Variants in SH3PXD2A observed in about 807,000 individuals in gnomAD.
SH3PXD2A encodes SH3 and PX domain-containing protein 2A.
Under a neutral mutation model 115.2 loss-of-function variants are expected in SH3PXD2A, and 32 were observed. That is an observed-to-expected ratio of 0.28 (90% CI 0.21 to 0.37). SH3PXD2A has a LOEUF of 0.37. Ranked by LOEUF, SH3PXD2A falls within the 10% of genes least tolerant of loss-of-function variation. The pLI, the probability that SH3PXD2A is intolerant of heterozygous loss-of-function variation, is 1.00. For missense variants in SH3PXD2A, 1,328 were observed against 1,498.7 expected, an observed-to-expected ratio of 0.89 and a Z score of 1.88; for synonymous variants, 610 against 629.1, an observed-to-expected ratio of 0.97 and a Z score of 0.45.
intron 1 of SH3PXD2A, among the ~76,000 whole-genome samples, chr10:103,840,640 G>C (rs1444168035): frequency 2.0e-5 from 3 of 152,252 alleles, no homozygotes; most frequent in Non-Finnish European, 4.4e-5. Context: ...GAGTCCCGCT[G>C]CCTGGCTCTG....
intron 2 of SH3PXD2A, among the ~76,000 whole-genome samples, chr10:103,768,278 C>T (rs191949338): frequency 1.6e-4 from 24 of 152,202 alleles, no homozygotes; most frequent in African/African-American, 2.6e-4. Flanking sequence ...GGATATGGTA[C>T]GGGAACAGTA....
At chr10:103,809,030 C>A (rs546149274) in intron 1 of SH3PXD2A, among the ~76,000 whole-genome samples, 2 of 152,332 alleles carry the variant, frequency 1.3e-5, no homozygotes, top group African/African-American at 4.8e-5. Flanking sequence ...TAAAACCCTG[C>A]CAGCAAAATC....
intron 2 of SH3PXD2A, among the ~76,000 whole-genome samples, chr10:103,772,727 C>A (rs968619994): frequency 6.6e-6 from 1 of 152,160 alleles, no homozygotes. Context: ...GAGGGGAGGA[C>A]GGGCGAGCCC....
At position 103,627,598 on chromosome 10, in the gene SH3PXD2A, C is replaced by T. The variant is rs2036717388; in HGVS notation, c.605-396G>A. Among the ~76,000 whole-genome samples, 2 of 152,226 alleles carry T rather than the reference C, an allele frequency of 1.3e-5. No homozygotes were observed. Among genetic ancestry groups the T allele is most frequent in the Admixed American group, 6.5e-5 (1 of 15,288 alleles). On this transcript the variant is annotated intron_variant, in intron 8 of 14. Coordinates refer to ENST00000369774, the MANE Select transcript of SH3PXD2A (RefSeq NM_001394015.1). The surrounding 1 kb of genome is among the most constrained non-coding windows in gnomAD (Gnocchi z 4.4). ...ACTGGTTTGCCTGGAGCTTGGCTGC[C>T]TTCTCAGCTTTCAAGCTAAGTGCCT...
rs116982150 is a variant in SH3PXD2A, at chr10:103,782,412, T to C, written c.154-15243A>G. Among the ~76,000 whole-genome samples the C allele has an allele frequency of 3.9e-4, 60 of 152,288 alleles. 1 individual carries two copies. The East Asian group carries it at 0.011, about 28-fold the overall frequency. On this transcript the variant is annotated intron_variant, in intron 2 of 14. Coordinates refer to ENST00000369774, the MANE Select transcript of SH3PXD2A (RefSeq NM_001394015.1). Reference sequence around the variant, plus strand: ...AGATCCCAATAGTAAATCTAGCCCATAGGCAAAGATGGGCACACAAGAGGA... The same window carrying C: ...AGATCCCAATAGTAAATCTAGCCCACAGGCAAAGATGGGCACACAAGAGGA...
chr10:103,610,551 TA>T (rs1473099894), intron 13 of SH3PXD2A, among the ~76,000 whole-genome samples: 2 of 152,192 alleles, frequency 1.3e-5, no homozygotes, highest in African/African-American at 4.8e-5. Context: ...ACCATATTTT[TA>T]TGGAGGGCCT....
chr10:103,722,617 T>C (rs1216498765), intron 5 of SH3PXD2A, among the ~76,000 whole-genome samples: 1 of 139,576 alleles, frequency 7.2e-6, no homozygotes, highest in East Asian at 2.1e-4. Context: ...TTTTTTTTTT[T>C]CAATCAGCTG....
At chr10:103,797,666 T>G (rs891378102) in intron 2 of SH3PXD2A, among the ~76,000 whole-genome samples, 7 of 149,204 alleles carry the variant, frequency 4.7e-5, no homozygotes, top group African/African-American at 7.6e-5. Context: ...AGGCAGGAGC[T>G]TTGAAGATAA....
intron 5 of SH3PXD2A, among the ~76,000 whole-genome samples, chr10:103,706,399 G>A (rs776761019): frequency 1.7e-4 from 26 of 152,186 alleles, no homozygotes; most frequent in Non-Finnish European, 3.1e-4. Flanking sequence ...CAGTGATGCC[G>A]GACCAATGCT....
intron 4 of SH3PXD2A, among the ~76,000 whole-genome samples, chr10:103,724,985 C>A (rs1327466311): frequency 6.6e-6 from 1 of 152,248 alleles, no homozygotes; most frequent in African/African-American, 2.4e-5. Context: ...GGCATTCACA[C>A]TCCCTAAACA....
At chr10:103,731,923 C>T (rs2038324303) in intron 4 of SH3PXD2A, among the ~76,000 whole-genome samples, 1 of 152,180 alleles carries the variant, frequency 6.6e-6, no homozygotes, top group Non-Finnish European at 1.5e-5. Flanking sequence ...GCTCAGACTT[C>T]CTGCCCTTAA....
chr10:103,812,306 G>A (rs1222013988), intron 1 of SH3PXD2A, among the ~76,000 whole-genome samples: 2 of 152,256 alleles, frequency 1.3e-5, no homozygotes, highest in Middle Eastern at 3.2e-3. Flanking sequence ...CAGAGAGGGC[G>A]ATGGTGTGCC....
At position 103,601,729 on chromosome 10, in the gene SH3PXD2A, T is replaced by C. The variant is rs1052017538; in HGVS notation, c.*87A>G. The C allele has an allele frequency of 1.4e-4, 26 of 187,322 alleles. No homozygotes were observed. Among genetic ancestry groups the C allele is most frequent in the African/African-American group, 8.0e-4 (25 of 31,372 alleles). The allele number at this position is 187,322 out of a possible 1,614,324, so 11.6% of individuals were successfully genotyped here. On this transcript the variant is annotated 3_prime_UTR_variant, in exon 15 of 15. Transcript: ENST00000369774. ...TCCACCCCCCACCCCCCACCCCCATTTTTTCCTTTCCCTTTTGTTCGTCTC... is the reference window on the plus strand; with the variant it reads ...TCCACCCCCCACCCCCCACCCCCATCTTTTCCTTTCCCTTTTGTTCGTCTC...
intron 8 of SH3PXD2A, among the ~76,000 whole-genome samples, chr10:103,651,494 T>C (rs1225231479): frequency 6.6e-6 from 1 of 152,246 alleles, no homozygotes; most frequent in African/African-American, 2.4e-5. Flanking sequence ...AGTTTGGCTT[T>C]GCAAAGAAGT....
chr10:103,819,169 A>C (rs983144620), intron 1 of SH3PXD2A, among the ~76,000 whole-genome samples: 3 of 152,218 alleles, frequency 2.0e-5, no homozygotes, highest in African/African-American at 7.2e-5. Flanking sequence ...ACAAAGTCAA[A>C]TAAAACACAG....
At position 103,660,916 on chromosome 10, in the gene SH3PXD2A, C is replaced by A. The variant is rs1325983825; in HGVS notation, c.604+67G>T. On this transcript the variant is annotated intron_variant, in intron 8 of 14. Coordinates refer to ENST00000369774, the MANE Select transcript of SH3PXD2A (RefSeq NM_001394015.1). ...GCAGCGGTGGGGGAGGAGGGAGGAACAAAAACCAGCTCGGCCCGGGGGCCA... is the reference window on the plus strand; with the variant it reads ...GCAGCGGTGGGGGAGGAGGGAGGAAAAAAAACCAGCTCGGCCCGGGGGCCA... The A allele has an allele frequency of 4.4e-6, 7 of 1,574,650 alleles. No homozygotes were observed. The African/African-American group carries it at 6.8e-5, about 15-fold the overall frequency.
At chr10:103,706,004 G>GAAAA (rs58668048) in intron 5 of SH3PXD2A, among the ~76,000 whole-genome samples, 1 of 96,438 alleles carries the variant, frequency 1.0e-5, no homozygotes, top group Non-Finnish European at 2.3e-5. Context: ...GTCTCAAAAA[G>GAAAA]AAAAAAAAAA....
At chr10:103,724,830 T>C (rs577234625) in intron 4 of SH3PXD2A, among the ~76,000 whole-genome samples, 3 of 151,420 alleles carry the variant, frequency 2.0e-5, no homozygotes, top group Admixed American at 6.6e-5. Context: ...CCCTGGGTCT[T>C]AGGGTCCTCA....
chr10:103,628,027 C>T lies in SH3PXD2A; in HGVS notation c.605-825G>A, dbSNP rs555354082. On this transcript the variant is annotated intron_variant, in intron 8 of 14. Transcript: ENST00000369774. ...GTCTGGAGAGCTCAAGGCTTCTCCC[C>T]GGGCAGCACTGGAGGCCCCGTCACC... 4.5e-4 allele frequency among the ~76,000 whole-genome samples: 69 copies of T among 152,320 alleles called. No homozygotes were observed. The East Asian group carries it at 8.9e-3, about 20-fold the overall frequency.
Sources: gnomAD v4.1 joint callset for allele counts (sites outside exome capture counted in the v4.1 genomes callset) on GRCh38, gnomAD v4.1.1 for gene constraint, Gnocchi (gnomAD v3.1) non-coding constraint, MANE v1.5 for transcripts, NCBI Gene and HGNC (gene_info 2026-07-23, HGNC 2026-07-21) for gene names.